MRPL48: variants seen among roughly 807,000 people sequenced by gnomAD.
MRPL48 encodes mitochondrial ribosomal protein L48, also known as large ribosomal subunit protein mL48.
Under a neutral mutation model 32.9 loss-of-function variants are expected in MRPL48, and 16 were observed. The ratio of observed to expected loss-of-function variants is 0.49; its 90% confidence interval spans 0.33 to 0.74. The LOEUF (loss-of-function observed/expected upper bound fraction) is 0.74, where lower values mean the gene tolerates loss of function less well. MRPL48 is among the 30% of genes least tolerant of loss of function. The pLI, the probability that MRPL48 is intolerant of heterozygous loss-of-function variation, is 0.02. For missense variants in MRPL48, 206 were observed against 245.3 expected (o/e 0.84, Z 1.07); for synonymous variants, 94 against 89.2 (o/e 1.05, Z -0.31).
At chr11:73,850,607 A>AT (rs1368635173) in intron 5 of MRPL48, 5 of 334,438 alleles carry the variant, frequency 1.5e-5, no homozygotes, top group African/African-American at 8.9e-5. Context: ...CTTTAATAAC[A>AT]TTAAGTTGTC....
At chr11:73,859,006 G>A (rs79700818) in intron 5 of MRPL48, among the ~76,000 whole-genome samples, 8,556 of 152,270 alleles carry the variant, frequency 0.056, 255 homozygotes, top group Middle Eastern at 0.11. Flanking sequence ...CCCCTCAGGG[G>A]GAAATTAACA....
chr11:73,811,445 G>GTT (rs72118238), intron 3 of MRPL48, among the ~76,000 whole-genome samples: 2 of 151,558 alleles, frequency 1.3e-5, no homozygotes, highest in Admixed American at 6.6e-5. Context: ...TGAAGGAGAG[G>GTT]TTTTTTTAAA....
At chr11:73,827,507 G>A (rs542449416) in intron 4 of MRPL48, among the ~76,000 whole-genome samples, 1 of 152,302 alleles carries the variant, frequency 6.6e-6, no homozygotes, top group East Asian at 1.9e-4. Context: ...ATTTCTGTGT[G>A]TGTGCAGAGG....
At chr11:73,812,820 G>T (rs1947593243) in intron 3 of MRPL48, among the ~76,000 whole-genome samples, 1 of 150,730 alleles carries the variant, frequency 6.6e-6, no homozygotes, top group Non-Finnish European at 1.5e-5. Flanking sequence ...CACGATCTTG[G>T]CTCACTGCAA....
chr11:73,814,474 C>G (rs1947622795), intron 3 of MRPL48, among the ~76,000 whole-genome samples: 1 of 152,010 alleles, frequency 6.6e-6, no homozygotes, highest in African/African-American at 2.4e-5. Flanking sequence ...GCCAGTGGAT[C>G]ACCTGAGGTC....
At chr11:73,809,057 A>T (rs1356916785) in intron 3 of MRPL48, among the ~76,000 whole-genome samples, 1 of 152,026 alleles carries the variant, frequency 6.6e-6, no homozygotes, top group Non-Finnish European at 1.5e-5. Context: ...AGGCAGGAGG[A>T]TCTCTTGAGC....
At chr11:73,847,585 C>T (rs577339529) in intron 5 of MRPL48, among the ~76,000 whole-genome samples, 1 of 152,150 alleles carries the variant, frequency 6.6e-6, no homozygotes, top group Non-Finnish European at 1.5e-5. Context: ...GGACTACAGG[C>T]GCCTGCCACC....
chr11:73,829,568 C>T (rs912654326), intron 4 of MRPL48, among the ~76,000 whole-genome samples: 11 of 152,034 alleles, frequency 7.2e-5, no homozygotes, highest in Middle Eastern at 3.2e-3. Context: ...TGGGGTCTCA[C>T]TATAGTGCCC....
chr11:73,796,457 C>T (rs923404342), intron 1 of MRPL48, among the ~76,000 whole-genome samples: 6 of 152,272 alleles, frequency 3.9e-5, no homozygotes, highest in Non-Finnish European at 7.3e-5. Context: ...GCCTCCTTGG[C>T]CCCCTCTGGA....
rs184063789 is a variant in MRPL48 at position 73,820,064 on chromosome 11, C to T, written c.113-5644C>T. ...GTGTAGGTGCAGATCAACAACTTAG[C>T]GGGGGCTACCAATCTAATCTCCCTA... is the stretch of plus-strand genomic sequence containing the variant. On this transcript the variant is annotated intron_variant, in intron 3 of 7. Coordinates refer to ENST00000310614, the MANE Select transcript of MRPL48 (RefSeq NM_016055.6). Among the ~76,000 whole-genome samples the T allele has an allele frequency of 1.9e-3, 289 of 152,222 alleles. 3 individuals are homozygous for T. The highest frequency in any genetic ancestry group is 6.8e-3 in the African/African-American group (284 of 41,546).
chr11:73,859,838 G>GA, intron 5 of MRPL48, 69 bp from the exon 6 acceptor site: 1 of 1,322,760 alleles, frequency 7.6e-7, no homozygotes, highest in Admixed American at 1.8e-5. Flanking sequence ...TATACTCATG[G>GA]ACTACTATGA....
At chr11:73,800,156 C>G (rs1168782086) in intron 1 of MRPL48, among the ~76,000 whole-genome samples, 2 of 151,776 alleles carry the variant, frequency 1.3e-5, no homozygotes, top group Non-Finnish European at 2.9e-5. Context: ...CTCCTGTAAT[C>G]CCAGCATTTT....
intron 5 of MRPL48, chr11:73,851,128 T>C: frequency 2.2e-6 from 1 of 457,380 alleles, no homozygotes; most frequent in Non-Finnish European, 4.4e-6. Context: ...TTTTCTGTCA[T>C]CACTTGTCCT....
chr11:73,793,364 C>T (rs1208441092), intron 1 of MRPL48, among the ~76,000 whole-genome samples: 1 of 152,170 alleles, frequency 6.6e-6, no homozygotes, highest in Non-Finnish European at 1.5e-5. Flanking sequence ...CTGCACCTGG[C>T]CATGGTGCTT....
rs66515925 is a variant in MRPL48 at position 73,825,284 on chromosome 11, A to ATGTG, written c.113-388_113-385dup. On this transcript the variant is annotated intron_variant, in intron 3 of 7. Coordinates refer to ENST00000310614, the MANE Select transcript of MRPL48 (RefSeq NM_016055.6). ...CTTACTGTTACCTTGTTTTTTATAT[A>ATGTG]TGTGTGTGTGTGTGTGTGTGTGTGT... Among the ~76,000 whole-genome samples, 552 of 139,906 alleles carry ATGTG rather than the reference A, an allele frequency of 3.9e-3. 6 individuals are homozygous for ATGTG. Among genetic ancestry groups the ATGTG allele is most frequent in the Middle Eastern group, 0.025 (7 of 282 alleles). The allele number at this position is 139,906 out of a possible 152,430, so 91.8% of individuals were successfully genotyped here.
intron 4 of MRPL48, among the ~76,000 whole-genome samples, chr11:73,828,245 T>TA: frequency 1.3e-5 from 2 of 150,814 alleles, no homozygotes; most frequent in East Asian, 3.9e-4. Flanking sequence ...TTTTTTTTTT[T>TA]AAATAGAATC....
intron 4 of MRPL48, among the ~76,000 whole-genome samples, chr11:73,840,142 A>G (rs2135043774): frequency 6.6e-6 from 1 of 152,134 alleles, no homozygotes; most frequent in South Asian, 2.1e-4. Context: ...AAGTTAAATG[A>G]AAAAGAGAAA....
intron 1 of MRPL48, among the ~76,000 whole-genome samples, chr11:73,793,467 C>T (rs1947189399): frequency 6.6e-6 from 1 of 152,190 alleles, no homozygotes; most frequent in Non-Finnish European, 1.5e-5. Context: ...GACTGTGTAA[C>T]AGAAGGATCC....
At chr11:73,806,963 A>C (rs1178410513) in intron 2 of MRPL48, among the ~76,000 whole-genome samples, 1 of 152,068 alleles carries the variant, frequency 6.6e-6, no homozygotes, top group Admixed American at 6.6e-5. Context: ...TCTACCATCC[A>C]GGTTCAAGCA....
Sources: allele counts gnomAD v4.1 joint callset (sites outside exome capture counted in the v4.1 genomes callset), GRCh38; gene constraint gnomAD v4.1.1; transcripts MANE v1.5; gene names NCBI Gene and HGNC (gene_info 2026-07-23, HGNC 2026-07-21).